Variants in SEMA3A observed in about 807,000 individuals in gnomAD.
SEMA3A encodes the protein semaphorin 3A.
SEMA3A carries 29 observed loss-of-function variants against 97.9 expected under a neutral mutation model. That is an observed-to-expected ratio of 0.30 (90% CI 0.22 to 0.40). The LOEUF is 0.40. SEMA3A is among the 10% of genes least tolerant of loss of function. The pLI is 1.00. For missense variants in SEMA3A, 763 were observed against 951.3 expected (o/e 0.80, Z 2.60); for synonymous variants, 321 against 323.7 (o/e 0.99, Z 0.09).
chr7:84,147,990 AC>A (rs772020649), intron 1 of SEMA3A, among the ~76,000 whole-genome samples: 2 of 151,734 alleles, frequency 1.3e-5, no homozygotes, highest in Non-Finnish European at 2.9e-5. Context: ...GCTCACTGCA[AC>A]CTCTGCCTCC....
At chr7:84,382,701 CCAAAAAAAAAAAAAAAAA>C (rs1301753901) in intron 1 of SEMA3A, among the ~76,000 whole-genome samples, 1 of 28,740 alleles carries the variant, frequency 3.5e-5, no homozygotes. Flanking sequence ...TACTAAAAAT[CCAAAAAAAAAAAAAAAAA>C]AAAAAAAAAA....
chr7:84,278,113 A>C (rs1800355078), intron 3 of SEMA3A, among the ~76,000 whole-genome samples: 1 of 152,110 alleles, frequency 6.6e-6, no homozygotes, highest in Non-Finnish European at 1.5e-5. Flanking sequence ...GTGGCTTAGA[A>C]ATTTCTTCCA....
At chr7:84,003,135 T>G (rs1790528245) in intron 11 of SEMA3A, among the ~76,000 whole-genome samples, 1 of 152,050 alleles carries the variant, frequency 6.6e-6, no homozygotes, top group Non-Finnish European at 1.5e-5. Flanking sequence ...TCGATAACTG[T>G]TTTTGGAGAA....
intron 2 of SEMA3A, among the ~76,000 whole-genome samples, chr7:84,351,308 G>A (rs1238678588): frequency 1.3e-5 from 2 of 151,964 alleles, no homozygotes; most frequent in Non-Finnish European, 2.9e-5. Context: ...CTCCAAAGAT[G>A]TCACACCTTG....
At chr7:84,203,034 A>AT (rs1399543611) in intron 3 of SEMA3A, among the ~76,000 whole-genome samples, 1 of 152,028 alleles carries the variant, frequency 6.6e-6, no homozygotes, top group Non-Finnish European at 1.5e-5. Context: ...TTGTCTACAT[A>AT]TTTTGTTGGA....
chr7:84,061,848 GCTGTC>G (rs1793228487), intron 4 of SEMA3A, among the ~76,000 whole-genome samples: 1 of 152,082 alleles, frequency 6.6e-6, no homozygotes, highest in Non-Finnish European at 1.5e-5. Flanking sequence ...TTGGCAATTA[GCTGTC>G]CTGTACCAAT....
At chr7:83,995,240 C>T (rs546271031) in intron 12 of SEMA3A, among the ~76,000 whole-genome samples, 6 of 152,100 alleles carry the variant, frequency 3.9e-5, no homozygotes, top group Non-Finnish European at 5.9e-5. Flanking sequence ...GAGATGAACC[C>T]GGTACCTCAG....
chr7:84,014,305 A>G lies in SEMA3A; in HGVS notation c.714T>C (p.Pro238=), dbSNP rs1791004392. 6.2e-7 allele frequency: 1 copy of G among 1,612,492 alleles called. No homozygotes were observed. The highest frequency in any genetic ancestry group is 1.3e-5 in the African/African-American group (1 of 74,828). The change falls in exon 7 of 17, where the codon CCT becomes CCC. Residue 238 remains proline (P), a synonymous_variant. Transcript: ENST00000265362. ...SAHLISESDN[P]EDDKVYFFFR... is the part of the protein sequence containing the mutation. ...AGAAAAAGTATACTTTGTCATCTTC[A>G]GGATTGTCACTCTCTGAGATGAGGT...
intron 2 of SEMA3A, among the ~76,000 whole-genome samples, chr7:84,367,980 T>G (rs2116090180): frequency 6.6e-6 from 1 of 151,382 alleles, no homozygotes; most frequent in South Asian, 2.1e-4. Flanking sequence ...TATTCTATGC[T>G]AATTACTAAA....
intron 1 of SEMA3A, among the ~76,000 whole-genome samples, chr7:84,421,654 T>G (rs1002516180): frequency 6.6e-6 from 1 of 152,112 alleles, no homozygotes; most frequent in Non-Finnish European, 1.5e-5. Context: ...GCTGCTGGTT[T>G]GTCATAAATA....
chr7:84,023,229 G>A (rs888531777), intron 6 of SEMA3A, among the ~76,000 whole-genome samples: 1 of 152,132 alleles, frequency 6.6e-6, no homozygotes, highest in African/African-American at 2.4e-5. Flanking sequence ...TTGGCAGCTT[G>A]AGCTTATTTA....
At chr7:83,987,151 AT>A (rs1789669235) in intron 12 of SEMA3A, among the ~76,000 whole-genome samples, 1 of 150,982 alleles carries the variant, frequency 6.6e-6, no homozygotes, top group Non-Finnish European at 1.5e-5. Flanking sequence ...CATATAATTA[AT>A]TTTTTGTCCT....
intron 3 of SEMA3A, among the ~76,000 whole-genome samples, chr7:84,203,517 TA>T (rs1798407083): frequency 7.1e-5 from 4 of 56,414 alleles, no homozygotes; most frequent in Non-Finnish European, 1.2e-4. Context: ...TATATATATA[TA>T]TATATATATT....
upstream of SEMA3A, among the ~76,000 whole-genome samples, chr7:84,196,183 G>C (rs78007259): frequency 0.063 from 9,474 of 150,630 alleles, 336 homozygotes; most frequent in African/African-American, 0.092. Flanking sequence ...TTCAATAGTA[G>C]GGAAACTTCT....
chr7:84,391,549 A>G (rs979368568), intron 1 of SEMA3A, among the ~76,000 whole-genome samples: 6 of 152,050 alleles, frequency 3.9e-5, no homozygotes, highest in Admixed American at 3.3e-4. Context: ...CAGATTGCCT[A>G]CTCTGGAAAT....
intron 2 of SEMA3A, among the ~76,000 whole-genome samples, chr7:84,363,301 T>C (rs1802768507): frequency 6.6e-6 from 1 of 151,912 alleles, no homozygotes; most frequent in Non-Finnish European, 1.5e-5. Flanking sequence ...GAGAAAACAG[T>C]TCAGTGATCT....
At chr7:84,064,571 G>T (rs1264089880) in intron 4 of SEMA3A, among the ~76,000 whole-genome samples, 2 of 151,756 alleles carry the variant, frequency 1.3e-5, no homozygotes, top group African/African-American at 4.9e-5. Context: ...AAGGATGGAG[G>T]AAGATCTACC....
At chr7:84,360,660 C>G (rs1310762982) in intron 2 of SEMA3A, among the ~76,000 whole-genome samples, 1 of 152,060 alleles carries the variant, frequency 6.6e-6, no homozygotes, top group Non-Finnish European at 1.5e-5. Flanking sequence ...GTGTAGTATA[C>G]AATCTATTAT....
At chr7:84,409,035 A>G (rs960456926) in intron 1 of SEMA3A, among the ~76,000 whole-genome samples, 4 of 150,044 alleles carry the variant, frequency 2.7e-5, no homozygotes, top group African/African-American at 9.7e-5. Flanking sequence ...CCTAAAACTT[A>G]AAGTATAATA....
Sources: allele counts gnomAD v4.1 joint callset (sites outside exome capture counted in the v4.1 genomes callset), GRCh38; gene constraint gnomAD v4.1.1; transcripts MANE v1.5; gene names NCBI Gene and HGNC (gene_info 2026-07-23, HGNC 2026-07-21).